The following SPOCK3 variants were observed in gnomAD, a reference collection of about 807,000 sequenced individuals.
The protein encoded by SPOCK3 is testican-3.
In SPOCK3, 30 loss-of-function variants were observed where a neutral mutation model predicts 56.6. The ratio of observed to expected loss-of-function variants is 0.53; its 90% confidence interval spans 0.40 to 0.72. The LOEUF is 0.72. Ranked by LOEUF, SPOCK3 falls within the 30% of genes least tolerant of loss-of-function variation. The pLI is 0.00. For missense variants in SPOCK3, 527 were observed against 530.0 expected (o/e 0.99, Z 0.06); for synonymous variants, 196 against 183.3 (o/e 1.07, Z -0.56).
chr4:166,970,621 G>A (rs191603313), intron 4 of SPOCK3, among the ~76,000 whole-genome samples: 203 of 152,196 alleles, frequency 1.3e-3, no homozygotes, highest in African/African-American at 4.9e-3. Flanking sequence ...CTACTTGGGA[G>A]GCTGAGGCAA....
Position 166,912,670 on chromosome 4 carries a change from C to T in SPOCK3, c.424G>A (p.Val142Ile). The change falls in exon 5 of 11, where the codon GTC becomes ATC. Residue 142 changes from valine to isoleucine, a missense_variant. Transcript: ENST00000357545. ...ILSTCKQCPV[V>I]YPSPVCGSDG... ...GAACCACAAACAGGGCTGGGATAGA[C>T]CACTGGGCACTGCTTGCAGGTGGAT... 6.2e-7 allele frequency: 1 copy of T among 1,613,632 alleles called. No individual in the cohort carries two copies. Among genetic ancestry groups the T allele is most frequent in the South Asian group, 1.1e-5 (1 of 91,058 alleles).
chr4:167,188,819 C>A (rs185664018), intron 2 of SPOCK3, among the ~76,000 whole-genome samples: 1 of 146,106 alleles, frequency 6.8e-6, no homozygotes. Context: ...AATATTAGAA[C>A]TATTTGCCAA....
chr4:167,093,093 C>T (rs902252319), intron 2 of SPOCK3, among the ~76,000 whole-genome samples: 3 of 152,112 alleles, frequency 2.0e-5, no homozygotes, highest in Admixed American at 2.0e-4. Flanking sequence ...ATCAACATCA[C>T]CCACTTTAAT....
intron 4 of SPOCK3, among the ~76,000 whole-genome samples, chr4:166,936,331 T>C (rs1740400232): frequency 6.6e-6 from 1 of 152,110 alleles, no homozygotes; most frequent in Non-Finnish European, 1.5e-5. Flanking sequence ...TTTTTAAAAG[T>C]TAAAATCCTA....
chr4:166,903,206 A>T (rs1297233764), intron 5 of SPOCK3, among the ~76,000 whole-genome samples: 2 of 150,700 alleles, frequency 1.3e-5, no homozygotes, highest in African/African-American at 4.9e-5. Context: ...TGTGAATTTG[A>T]GTTGGCAGAA....
At chr4:166,922,472 T>C (rs1738604601) in intron 4 of SPOCK3, among the ~76,000 whole-genome samples, 1 of 152,192 alleles carries the variant, frequency 6.6e-6, no homozygotes. Flanking sequence ...TGCTTTTATA[T>C]GTCTTGTCAA....
At chr4:167,232,348 TA>T (rs67711117) in intron 2 of SPOCK3, among the ~76,000 whole-genome samples, 2,736 of 145,248 alleles carry the variant, frequency 0.019, 27 homozygotes, top group Non-Finnish European at 0.024. Flanking sequence ...TTGATTTTAT[TA>T]AAAAAAAAAA....
intron 2 of SPOCK3, among the ~76,000 whole-genome samples, chr4:167,100,320 TA>T (rs1561214443): frequency 1.3e-5 from 2 of 152,096 alleles, no homozygotes; most frequent in Non-Finnish European, 2.9e-5. Flanking sequence ...TTTCTGTTAC[TA>T]AAAGTGACTC....
chr4:166,812,429 C>G (rs1158037927), intron 6 of SPOCK3, among the ~76,000 whole-genome samples: 2 of 151,762 alleles, frequency 1.3e-5, no homozygotes, highest in Non-Finnish European at 2.9e-5. Flanking sequence ...AAAATTAACA[C>G]AAAGTAACTG....
chr4:167,188,875 C>T (rs1294959364), intron 2 of SPOCK3, among the ~76,000 whole-genome samples: 1 of 145,924 alleles, frequency 6.9e-6, no homozygotes, highest in Non-Finnish European at 1.5e-5. Flanking sequence ...TTAAAAGATG[C>T]CAACTTCCAA....
At chr4:166,996,554 T>C (rs1748399889) in intron 4 of SPOCK3, among the ~76,000 whole-genome samples, 1 of 152,174 alleles carries the variant, frequency 6.6e-6, no homozygotes, top group Non-Finnish European at 1.5e-5. Context: ...AATAATGGGT[T>C]ATGTTACCAT....
At chr4:166,815,900 A>T (rs1744336677) in intron 6 of SPOCK3, among the ~76,000 whole-genome samples, 2 of 152,108 alleles carry the variant, frequency 1.3e-5, no homozygotes, top group Non-Finnish European at 2.9e-5. Flanking sequence ...TACATAGTTA[A>T]CTCAAATCTA....
chr4:166,839,499 C>T (rs975696576), intron 6 of SPOCK3, among the ~76,000 whole-genome samples: 6 of 152,040 alleles, frequency 3.9e-5, no homozygotes, highest in Non-Finnish European at 7.4e-5. Flanking sequence ...GCAAAAAAGG[C>T]TGTCACTAAG....
intron 2 of SPOCK3, among the ~76,000 whole-genome samples, chr4:167,130,898 T>C (rs938435450): frequency 6.6e-6 from 1 of 152,178 alleles, no homozygotes; most frequent in African/African-American, 2.4e-5. Flanking sequence ...GATGTCTTAA[T>C]TCCAGAGGGA....
chr4:167,119,695 C>T (rs1761710552), intron 2 of SPOCK3: 2 of 821,688 alleles, frequency 2.4e-6, no homozygotes, highest in East Asian at 5.5e-5. Flanking sequence ...AAAAACAACA[C>T]ATTTGAAGTA....
chr4:167,019,044 C>A (rs1024656265), intron 3 of SPOCK3, among the ~76,000 whole-genome samples: 2 of 152,060 alleles, frequency 1.3e-5, no homozygotes, highest in African/African-American at 4.8e-5. Flanking sequence ...GTTTCCCTTT[C>A]CCAAGAGGCA....
At chr4:167,137,737 A>G (rs1763237119) in intron 2 of SPOCK3, among the ~76,000 whole-genome samples, 1 of 151,926 alleles carries the variant, frequency 6.6e-6, no homozygotes, top group East Asian at 1.9e-4. Flanking sequence ...AAAGTTTTTA[A>G]AACACCAAAT....
At chr4:166,742,897 A>C (rs1445026548) in intron 8 of SPOCK3, among the ~76,000 whole-genome samples, 1 of 152,120 alleles carries the variant, frequency 6.6e-6, no homozygotes, top group Non-Finnish European at 1.5e-5. Context: ...TGAGTTCTGC[A>C]TTTATAGATT....
intron 6 of SPOCK3, among the ~76,000 whole-genome samples, chr4:166,816,689 A>G (rs544897373): frequency 1.3e-5 from 2 of 152,226 alleles, no homozygotes; most frequent in East Asian, 3.9e-4. Context: ...ATGCAGTCTG[A>G]CAAAATATTG....
Sources: allele counts gnomAD v4.1 joint callset (sites outside exome capture counted in the v4.1 genomes callset), GRCh38; gene constraint gnomAD v4.1.1; transcripts MANE v1.5; gene names NCBI Gene and HGNC (gene_info 2026-07-23, HGNC 2026-07-21).